COL18A1: variants seen among roughly 807,000 people sequenced by gnomAD.
COL18A1 encodes the protein collagen type XVIII alpha 1 chain, also known as collagen alpha-1(XVIII) chain.
A neutral mutation model predicts 168.0 loss-of-function variants in COL18A1; 133 were observed. That is an observed-to-expected ratio of 0.79 (90% CI 0.69 to 0.91). COL18A1 has a LOEUF of 0.91. COL18A1 is among the 40% of genes least tolerant of loss of function. COL18A1 has a pLI of 0.00. For synonymous variants in COL18A1, 949 were observed against 809.0 expected, an observed-to-expected ratio of 1.17 and a Z score of -2.94; for missense variants, 2,126 against 1,925.4, an observed-to-expected ratio of 1.10 and a Z score of -1.95.
intron 38 of COL18A1, among the ~76,000 whole-genome samples, chr21:45,508,537 G>A (rs563493004): frequency 6.6e-6 from 1 of 152,186 alleles, no homozygotes; most frequent in East Asian, 1.9e-4. Context: ...TGGGTGGATG[G>A]ATGGGTAGAA....
intron 2 of COL18A1, among the ~76,000 whole-genome samples, chr21:45,430,476 G>A (rs986123870): frequency 3.3e-5 from 5 of 152,064 alleles, no homozygotes; most frequent in African/African-American, 9.7e-5. Flanking sequence ...GAGGGGGCTC[G>A]AGACTGGGAT....
At chr21:45,488,467 T>C (rs761021500) in intron 18 of COL18A1, 23 bp downstream of exon 18, 1 of 1,613,692 alleles carries the variant, frequency 6.2e-7, no homozygotes, top group Admixed American at 1.7e-5. Flanking sequence ...TATGTCTGGG[T>C]TTCTGTGGTT....
chr21:45,511,909 T>G (rs1176767298), intron 41 of COL18A1, among the ~76,000 whole-genome samples: 1 of 152,198 alleles, frequency 6.6e-6, no homozygotes, highest in Non-Finnish European at 1.5e-5. Context: ...TCAGCAGGCA[T>G]GAGGGCCAGG....
intron 2 of COL18A1, among the ~76,000 whole-genome samples, chr21:45,407,132 C>T (rs982047031): frequency 1.3e-5 from 2 of 152,238 alleles, no homozygotes; most frequent in African/African-American, 2.4e-5. Flanking sequence ...ACCCGCAGCC[C>T]GGGTTCCAGT....
chr21:45,476,586 G>A, intron 6 of COL18A1, 106 bp downstream of exon 6: 3 of 1,373,814 alleles, frequency 2.2e-6, no homozygotes, highest in Non-Finnish European at 3.0e-6. Flanking sequence ...GGTGTGTGTA[G>A]TGTGTGGTGT....
At chr21:45,478,216 C>A in intron 8 of COL18A1, 111 bp from the exon 9 acceptor site, 1 of 1,415,950 alleles carries the variant, frequency 7.1e-7, no homozygotes, top group Non-Finnish European at 1.0e-6. Context: ...CGGGGGAAGG[C>A]GTCTGCCGCC....
chr21:45,496,591 G>A, intron 30 of COL18A1, 23 bp downstream of exon 30: 1 of 1,144,850 alleles, frequency 8.7e-7, no homozygotes. Context: ...GGCACCCACT[G>A]TCCTACAGCC....
chr21:45,488,487 G>GCCCTGTCTC, intron 18 of COL18A1, 43 bp downstream of exon 18: 1 of 1,613,498 alleles, frequency 6.2e-7, no homozygotes, highest in Non-Finnish European at 8.5e-7. Flanking sequence ...TGCTGGCTTG[G>GCCCTGTCTC]CCCTGTCTCG....
In COL18A1 at chr21:45,468,479, C is replaced by T. The variant is rs367715239; in HGVS notation, c.344C>T (p.Ala115Val). Residue 115 changes from alanine to valine, a missense_variant, in exon 3 of 42, where the codon GCG becomes GTG. Coordinates refer to ENST00000651438, the MANE Select transcript of COL18A1 (RefSeq NM_001379500.1). ...GTGCTGTTCGCCATCACGGACTCGG[C>T]GCAGGCCATGGTCTTGCTGGGCGTG... ...PGVLFAITDS[A>V]QAMVLLGVKL... The T allele has an allele frequency of 8.6e-5, 139 of 1,613,906 alleles. No individual in the cohort carries two copies. Among genetic ancestry groups the T allele is most frequent in the Non-Finnish European group, 1.1e-4 (134 of 1,180,038 alleles).
rs367651350 is a variant in COL18A1 at position 45,505,247 on chromosome 21, G to C, written c.2982G>C (p.Gly994=). 2,102 of 1,574,236 alleles carry C rather than the reference G, an allele frequency of 1.3e-3. 19 individuals carry two copies. The East Asian group carries it at 0.017, about 12-fold the overall frequency. Residue 994 remains glycine, a synonymous_variant, in exon 35 of 42, where the codon GGG becomes GGC. Coordinates refer to ENST00000651438, the MANE Select transcript of COL18A1 (RefSeq NM_001379500.1). ...CTCCCGGCCCCCCAGGCCCCCCAGG[G>C]CCCCCTTCATTTCCTGGCCCTCACA... ...QGPPGPPGPP[G]PPSFPGPHRQ...
intron 2 of COL18A1, among the ~76,000 whole-genome samples, chr21:45,452,570 T>C (rs1423403008): frequency 2.6e-5 from 4 of 151,632 alleles, no homozygotes; most frequent in African/African-American, 9.7e-5. Context: ...ATGTGACACA[T>C]GTAAGCATGT....
At chr21:45,454,464 G>A (rs145187212) in intron 2 of COL18A1, among the ~76,000 whole-genome samples, 310 of 152,328 alleles carry the variant, frequency 2.0e-3, no homozygotes, top group African/African-American at 6.6e-3. Context: ...CTGAGGGGGT[G>A]GGTGGATTGT....
chr21:45,422,232 C>G (rs1408832565), intron 2 of COL18A1, among the ~76,000 whole-genome samples: 1 of 152,226 alleles, frequency 6.6e-6, no homozygotes, highest in Admixed American at 6.5e-5. Context: ...TCAGCAAAGT[C>G]TGAGCACCTG....
At chr21:45,444,972 A>G (rs2034473522) in intron 2 of COL18A1, among the ~76,000 whole-genome samples, 1 of 152,158 alleles carries the variant, frequency 6.6e-6, no homozygotes, top group Non-Finnish European at 1.5e-5. Context: ...ATTGTTTTGA[A>G]TGGCTTTATT....
chr21:45,406,171 G>T (rs1337236295), intron 2 of COL18A1, among the ~76,000 whole-genome samples: 1 of 152,198 alleles, frequency 6.6e-6, no homozygotes, highest in Admixed American at 6.5e-5. Context: ...GCTAACCGGG[G>T]CCTCCTGCCT....
In COL18A1 at chr21:45,478,360, C is replaced by G; in HGVS notation, c.1248+7C>G. The stretch of plus-strand genomic sequence containing the variant: ...CGGTGAAGACGGAAAGCCGGTGAGT[C>G]TGCTTTTCTTTCTGACCCCTGTGTT... On this transcript the variant is annotated splice_region_variant and intron_variant, in intron 9 of 41. Coordinates refer to ENST00000651438, the MANE Select transcript of COL18A1 (RefSeq NM_001379500.1). The G allele has an allele frequency of 6.2e-7, 1 of 1,614,180 alleles. No homozygotes were observed. The highest frequency in any genetic ancestry group is 8.5e-7 in the Non-Finnish European group (1 of 1,180,026).
intron 2 of COL18A1, among the ~76,000 whole-genome samples, chr21:45,465,860 T>C (rs1003026354): frequency 6.6e-5 from 10 of 152,178 alleles, no homozygotes; most frequent in Non-Finnish European, 1.3e-4. Flanking sequence ...TTTGCCCTTT[T>C]CTTCGGAGCC....
chr21:45,495,705 C>T (rs944915179), intron 29 of COL18A1: 61 of 422,530 alleles, frequency 1.4e-4, no homozygotes, highest in East Asian at 8.9e-4. Flanking sequence ...CCCATACACA[C>T]GCGCACACAT....
Position 45,478,330 on chromosome 21 carries a change from G to A in COL18A1, c.1225G>A (p.Asp409Asn), listed in dbSNP as rs200553372. 2.2e-4 allele frequency: 360 copies of A among 1,613,850 alleles called. No individual in the cohort carries two copies. Among genetic ancestry groups the A allele is most frequent in the Non-Finnish European group, 2.8e-4 (334 of 1,180,006 alleles). ...ATGGCTTCTCTTGCACACCCAGGGC[G>A]ACCCCGGTGAAGACGGAAAGCCGGT... ...GTPGRDGEPG[D>N]PGEDGKPGDT... is the part of the protein sequence containing the mutation. The change falls in exon 9 of 42, where the codon GAC (aspartate) becomes AAC (asparagine). Residue 409 changes from aspartate to asparagine, a missense_variant. By Grantham distance (23) the Asp-to-Asn change is conservative. Transcript: ENST00000651438.
Sources: allele counts gnomAD v4.1 joint callset (sites outside exome capture counted in the v4.1 genomes callset), GRCh38; gene constraint gnomAD v4.1.1; transcripts MANE v1.5; gene names NCBI Gene and HGNC (gene_info 2026-07-23, HGNC 2026-07-21).